Variants in UVRAG observed in about 807,000 individuals in gnomAD.
UVRAG encodes UV radiation resistance associated, also known as UV radiation resistance-associated gene protein.
A neutral mutation model predicts 78.0 loss-of-function variants in UVRAG; 19 were observed. That is an observed-to-expected ratio of 0.24 (90% confidence interval 0.17 to 0.36). The LOEUF is 0.36. Among genes scored for constraint, UVRAG ranks in the 10% least tolerant of loss-of-function variants. The pLI is 1.00. For synonymous variants in UVRAG, 323 were observed against 324.6 expected (o/e 1.00, Z 0.05); for missense variants, 740 against 853.8 (o/e 0.87, Z 1.66).
At chr11:75,868,034 C>G (rs1946571917) in intron 3 of UVRAG, among the ~76,000 whole-genome samples, 1 of 152,098 alleles carries the variant, frequency 6.6e-6, no homozygotes, top group African/African-American at 2.4e-5. Flanking sequence ...ATTCATCTTA[C>G]AATGTGAAAA....
chr11:76,005,987 A>AGAGTTTGTATAGGTCTT (rs61379133), intron 9 of UVRAG, among the ~76,000 whole-genome samples: 6 of 152,044 alleles, frequency 3.9e-5, no homozygotes, highest in African/African-American at 1.5e-4. Flanking sequence ...TTGTTGTGCA[A>AGAGTTTGTATAGGTCTT]GATCTCCAGC....
At chr11:75,873,386 GGTTACT>G (rs1300538810) in intron 3 of UVRAG, among the ~76,000 whole-genome samples, 3 of 151,830 alleles carry the variant, frequency 2.0e-5, no homozygotes, top group Non-Finnish European at 2.9e-5. Flanking sequence ...TTTGTCTCCA[GGTTACT>G]GTATTATCTA....
chr11:76,069,813 A>C (rs755043287), intron 13 of UVRAG, among the ~76,000 whole-genome samples: 1 of 152,100 alleles, frequency 6.6e-6, no homozygotes, highest in African/African-American at 2.4e-5. Flanking sequence ...ACTTCTATAT[A>C]CTTCACTGTT....
chr11:76,007,743 C>A (rs1949974475), intron 10 of UVRAG, 122 bp downstream of exon 10: 2 of 736,242 alleles, frequency 2.7e-6, no homozygotes, highest in African/African-American at 1.8e-5. Flanking sequence ...ATGATTCATT[C>A]AGGAGCTAAT....
chr11:76,093,702 T>C (rs1311990193), intron 13 of UVRAG, among the ~76,000 whole-genome samples: 3 of 152,270 alleles, frequency 2.0e-5, no homozygotes, highest in Admixed American at 2.0e-4. Flanking sequence ...TTTTGCACAT[T>C]GATTTTGTAT....
At chr11:75,819,050 C>A (rs766055441) in intron 1 of UVRAG, among the ~76,000 whole-genome samples, 10 of 152,158 alleles carry the variant, frequency 6.6e-5, no homozygotes, top group Non-Finnish European at 1.0e-4. Flanking sequence ...TAGTTGAGAA[C>A]CACCTTACTA....
intron 1 of UVRAG, among the ~76,000 whole-genome samples, chr11:75,825,123 T>C (rs1945484528): frequency 6.6e-6 from 1 of 152,004 alleles, no homozygotes; most frequent in African/African-American, 2.4e-5. Flanking sequence ...TTTTTTTTTT[T>C]TTGAGACAGC....
chr11:76,122,596 C>T (rs1246803784), intron 14 of UVRAG, among the ~76,000 whole-genome samples: 1 of 152,194 alleles, frequency 6.6e-6, no homozygotes, highest in African/African-American at 2.4e-5. Flanking sequence ...TTTTTAAAAT[C>T]AAATGCATCC....
rs1240311186 is a variant in UVRAG at position 76,076,303 on chromosome 11, T to C, written c.1305+10515T>C. 2.0e-5 allele frequency among the ~76,000 whole-genome samples: 3 copies of C among 152,180 alleles called. No individual in the cohort carries two copies. In the East Asian group the frequency reaches 5.8e-4, roughly 29 times the overall value. On this transcript the variant is annotated intron_variant, in intron 13 of 14. Transcript: ENST00000356136. ...TATAAAGGAAAGAGGCTTAATGGAC[T>C]CACAGATCCACATGACTAGGGAGGC...
intron 13 of UVRAG, among the ~76,000 whole-genome samples, chr11:76,104,840 G>C (rs1209342034): frequency 6.6e-6 from 1 of 152,172 alleles, no homozygotes; most frequent in East Asian, 1.9e-4. Flanking sequence ...TATAGCAACA[G>C]ATTTAAGTGC....
intron 8 of UVRAG, among the ~76,000 whole-genome samples, chr11:75,993,611 A>C (rs1949653219): frequency 6.6e-6 from 1 of 152,174 alleles, no homozygotes; most frequent in African/African-American, 2.4e-5. Flanking sequence ...GCAACACTCT[A>C]TCAAAATTAG....
intron 13 of UVRAG, among the ~76,000 whole-genome samples, chr11:76,071,597 A>G (rs562763084): frequency 2.6e-5 from 4 of 152,184 alleles, no homozygotes; most frequent in East Asian, 3.9e-4. Flanking sequence ...CCACCCACCC[A>G]TCTCCACATT....
chr11:75,928,703 GC>G (rs940163570), intron 6 of UVRAG, among the ~76,000 whole-genome samples: 1 of 152,052 alleles, frequency 6.6e-6, no homozygotes, highest in African/African-American at 2.4e-5. Context: ...ACTTTGGGAG[GC>G]CCAGGTGGGC....
At chr11:76,004,438 TCTG>T (rs1949885258) in intron 9 of UVRAG, among the ~76,000 whole-genome samples, 1 of 152,200 alleles carries the variant, frequency 6.6e-6, no homozygotes, top group Admixed American at 6.5e-5. Flanking sequence ...CAGATTTACT[TCTG>T]CTTCTTGTTA....
Position 76,140,971 on chromosome 11 carries a change from C to T in UVRAG, c.1658C>T (p.Thr553Ile), listed in dbSNP as rs771954783. Residue 553 changes from threonine to isoleucine, a missense_variant, in exon 15 of 15, where the codon ACC becomes ATC. Thr to Ile is a moderately conservative substitution (Grantham distance 89). Coordinates refer to ENST00000356136, the MANE Select transcript of UVRAG (RefSeq NM_003369.4). ...KITSLSSSLD[T>I]SLDFSKENKK... is the part of the protein sequence containing the mutation. ...ACATCTCTATCCTCCTCCTTGGATACCTCCTTGGACTTCTCCAAAGAAAAC... is the reference window on the plus strand; with the variant it reads ...ACATCTCTATCCTCCTCCTTGGATATCTCCTTGGACTTCTCCAAAGAAAAC... 2 of 1,613,994 alleles carry T rather than the reference C, an allele frequency of 1.2e-6. No individual in the cohort carries two copies. The highest frequency in any genetic ancestry group is 1.3e-5 in the African/African-American group (1 of 74,898).
intron 13 of UVRAG, among the ~76,000 whole-genome samples, chr11:76,101,827 T>C (rs534345074): frequency 6.6e-6 from 1 of 152,222 alleles, no homozygotes; most frequent in Non-Finnish European, 1.5e-5. Context: ...GCACCATTTA[T>C]TGAATAGGGA....
chr11:76,047,203 A>T (rs1477060180), intron 12 of UVRAG, among the ~76,000 whole-genome samples: 1 of 152,212 alleles, frequency 6.6e-6, no homozygotes, highest in African/African-American at 2.4e-5. Flanking sequence ...TTTTGGGACT[A>T]GGGGAAGGCT....
intron 14 of UVRAG, among the ~76,000 whole-genome samples, chr11:76,122,180 A>G (rs1952293907): frequency 6.6e-6 from 1 of 152,250 alleles, no homozygotes; most frequent in South Asian, 2.1e-4. Context: ...GTTATTTTGA[A>G]CATTCAGAGG....
intron 1 of UVRAG, among the ~76,000 whole-genome samples, chr11:75,838,381 A>G (rs1945831391): frequency 1.3e-5 from 2 of 152,058 alleles, no homozygotes; most frequent in South Asian, 2.1e-4. Flanking sequence ...CCTGCTGCCC[A>G]GGCTGGAGTG....
Sources: gnomAD v4.1 joint callset for allele counts (sites outside exome capture counted in the v4.1 genomes callset) on GRCh38, gnomAD v4.1.1 for gene constraint, MANE v1.5 for transcripts, NCBI Gene and HGNC (gene_info 2026-07-23, HGNC 2026-07-21) for gene names.